Variants in PCID2 observed in about 807,000 individuals in gnomAD.
PCID2 encodes the protein PCI domain-containing protein 2.
A neutral mutation model predicts 61.3 loss-of-function variants in PCID2; 41 were observed. The observed-to-expected ratio is 0.67, with a 90% CI of 0.52 to 0.87. The LOEUF (loss-of-function observed/expected upper bound fraction) is 0.87, where lower values mean the gene tolerates loss of function less well. Ranked by LOEUF, PCID2 falls within the 40% of genes least tolerant of loss-of-function variation. The pLI is 0.00. For synonymous variants in PCID2, 187 were observed against 177.8 expected (o/e 1.05, Z -0.41); for missense variants, 392 against 493.4 (o/e 0.79, Z 1.95).
the PCID2 span, among the ~76,000 whole-genome samples, chr13:113,169,445 G>T: frequency 6.6e-6 from 1 of 151,996 alleles, no homozygotes; most frequent in East Asian, 1.9e-4. Context: ...TCTCATTATG[G>T]GTCACATTTT....
intron 7 of PCID2, chr13:113,187,647 T>C (rs1407460131): frequency 1.3e-5 from 2 of 152,232 alleles, no homozygotes; most frequent in African/African-American, 4.8e-5. Flanking sequence ...TTGCGTATTT[T>C]GTTTGGAAGA....
intron 4 of PCID2, 141 bp from the exon 5 acceptor site, chr13:113,196,363 G>A: frequency 3.4e-6 from 2 of 593,206 alleles, no homozygotes; most frequent in Admixed American, 2.5e-5. Context: ...GTTCTTGAAG[G>A]AAAAAAGGTA....
the PCID2 span, chr13:113,170,537 AT>A: frequency 6.7e-7 from 1 of 1,488,184 alleles, no homozygotes; most frequent in Non-Finnish European, 9.4e-7. Flanking sequence ...ACATGTAAGT[AT>A]TTTATCATGA....
At chr13:113,180,985 TGCGCCTTC>T (rs1595155070) in intron 10 of PCID2, 137 bp downstream of exon 10, 1 of 601,296 alleles carries the variant, frequency 1.7e-6, no homozygotes, top group East Asian at 2.8e-5. Flanking sequence ...ACACAATGCA[TGCGCCTTC>T]TTTATTTTGG....
chr13:113,176,380 T>C (rs56002882), downstream of PCID2, among the ~76,000 whole-genome samples: 5,185 of 16,410 alleles, frequency 0.32, 299 homozygotes, highest in South Asian at 0.56. Context: ...CCAGTGTGAC[T>C]GTATCTGGAG....
At chr13:113,205,591 G>A (rs2039749305) in intron 1 of PCID2, among the ~76,000 whole-genome samples, 1 of 152,194 alleles carries the variant, frequency 6.6e-6, no homozygotes. Context: ...GGAAACAACT[G>A]AAGTGGTCCA....
chr13:113,195,119 C>G lies in PCID2; in HGVS notation c.315G>C (p.Leu105=), dbSNP rs759962638. 2 of 1,608,604 alleles carry G rather than the reference C, an allele frequency of 1.2e-6. No individual in the cohort carries two copies. The highest frequency in any genetic ancestry group is 1.3e-5 in the African/African-American group (1 of 74,964). The change falls in exon 6 of 14, where the codon CTG becomes CTC. Residue 105 remains leucine, a synonymous_variant. Transcript: ENST00000337344. ...CAAGCGCTACTGCATACATGACAGG[C>G]AGAGCCCTGCAGGGCAAAAAAGTAA... ...FQAHKEENWA[L]PVMYAVALDL... is the part of the protein sequence containing the mutation.
At position 113,180,014 on chromosome 13, in the gene PCID2, C is replaced by T; in HGVS notation, c.889G>A (p.Ala297Thr). 1 of 1,614,122 alleles carries T rather than the reference C, an allele frequency of 6.2e-7. No homozygotes were observed. The highest frequency in any genetic ancestry group is 8.5e-7 in the Non-Finnish European group (1 of 1,180,024). ...AAGAAGGCCTCGTGCTTCGCCAGCG[C>T]CTCGTGCAGCAGCAGCAGGTTGCCC... Reference protein sequence around the residue: ...SEGNLLLLHEALAKHEAFFIR... With the variant: ...SEGNLLLLHETLAKHEAFFIR... Residue 297 changes from alanine to threonine, a missense_variant, in exon 12 of 14, where the codon GCG becomes ACG. Coordinates refer to ENST00000337344, the MANE Select transcript of PCID2 (RefSeq NM_001127202.4).
In PCID2 at chr13:113,190,938, A is replaced by C. The variant is rs1250516926; in HGVS notation, c.401T>G (p.Val134Gly). The C allele has an allele frequency of 2.5e-6, 4 of 1,613,432 alleles. No homozygotes were observed. The highest frequency in any genetic ancestry group is 3.4e-6 in the Non-Finnish European group (4 of 1,179,702). Reference protein sequence around the residue: ...QQLVKKGKSKVGDMLEKAAEL... With the variant: ...QQLVKKGKSKGGDMLEKAAEL... ...TGCTGCTTTTTCCAACATGTCCCCA[A>C]CTTTGCTTTTTCCTTTCTTTACCAA... The change falls in exon 7 of 14, where the codon GTT becomes GGT. Residue 134 changes from valine (V) to glycine (G), a missense_variant. Val to Gly is a moderately radical substitution (Grantham distance 109). Around this residue, in one of 3 missense-constraint regions of PCID2, gnomAD observed 155 missense variants for 164.9 expected, o/e 0.94. Coordinates refer to ENST00000337344, the MANE Select transcript of PCID2 (RefSeq NM_001127202.4).
intron 1 of PCID2, among the ~76,000 whole-genome samples, chr13:113,204,582 A>G (rs1466428492): frequency 1.3e-5 from 2 of 152,072 alleles, no homozygotes; most frequent in Non-Finnish European, 2.9e-5. Flanking sequence ...CCTGGGCTGC[A>G]CCCAGTGTCC....
At chr13:113,185,620 CA>C in intron 7 of PCID2, 60 bp from the exon 8 acceptor site, 1 of 1,096,652 alleles carries the variant, frequency 9.1e-7, no homozygotes, top group Non-Finnish European at 1.4e-6. Flanking sequence ...TTATAAATCA[CA>C]AAATAAACTG....
chr13:113,204,749 G>C (rs1001878303), intron 1 of PCID2, among the ~76,000 whole-genome samples: 2 of 152,208 alleles, frequency 1.3e-5, no homozygotes, highest in Non-Finnish European at 2.9e-5. Flanking sequence ...GATGTGAAGA[G>C]GAAAAGCAGG....
At chr13:113,206,917 G>A (rs2039899062) in intron 1 of PCID2, among the ~76,000 whole-genome samples, 1 of 152,138 alleles carries the variant, frequency 6.6e-6, no homozygotes, top group Non-Finnish European at 1.5e-5. Flanking sequence ...TTCCCATCAT[G>A]TGACTACGAA....
At chr13:113,201,172 TA>T in intron 1 of PCID2, among the ~76,000 whole-genome samples, 1 of 152,114 alleles carries the variant, frequency 6.6e-6, no homozygotes, top group East Asian at 1.9e-4. Context: ...TGGAAATAGC[TA>T]AATAGATGTC....
chr13:113,200,600 CAG>C (rs533042596), intron 1 of PCID2, 84 bp from the exon 2 acceptor site: 104 of 862,816 alleles, frequency 1.2e-4, no homozygotes, highest in African/African-American at 9.5e-4. Context: ...GAATGCCACA[CAG>C]GGGAAAATTC....
At chr13:113,171,646 T>A in the PCID2 span, 1 of 1,614,140 alleles carries the variant, frequency 6.2e-7, no homozygotes, top group Non-Finnish European at 8.5e-7. The surrounding 1 kb of genome is among the most constrained non-coding windows in gnomAD (Gnocchi z 5.1). Context: ...CGCACGTCCA[T>A]GTGCACATGC....
At chr13:113,194,598 A>G (rs529530763) in intron 6 of PCID2, among the ~76,000 whole-genome samples, 1 of 152,284 alleles carries the variant, frequency 6.6e-6, no homozygotes, top group South Asian at 2.1e-4. Flanking sequence ...AGGTTGACAA[A>G]TGCTGCTCCA....
intron 6 of PCID2, among the ~76,000 whole-genome samples, chr13:113,191,788 T>C (rs936205009): frequency 2.0e-5 from 3 of 151,992 alleles, no homozygotes; most frequent in Admixed American, 6.5e-5. Context: ...GCCATTATGG[T>C]CTTTTTTTAC....
chr13:113,177,002 A>G (rs2037201884), downstream of PCID2, among the ~76,000 whole-genome samples: 1 of 152,182 alleles, frequency 6.6e-6, no homozygotes. Flanking sequence ...GGCCCAACTT[A>G]GCGACTGTCA....
Sources: allele counts gnomAD v4.1 joint callset (sites outside exome capture counted in the v4.1 genomes callset), GRCh38; gene constraint gnomAD v4.1.1; regional missense constraint gnomAD v4.1.1; non-coding constraint Gnocchi (gnomAD v3.1); transcripts MANE v1.5; gene names NCBI Gene and HGNC (gene_info 2026-07-23, HGNC 2026-07-21).